The following UBAP2 variants were observed in gnomAD, a reference collection of about 807,000 sequenced individuals.
UBAP2 encodes ubiquitin-associated protein 2.
UBAP2 carries 75 observed loss-of-function variants against 139.6 expected under a neutral mutation model. That is an observed-to-expected ratio of 0.54 (90% CI 0.45 to 0.65). The LOEUF (loss-of-function observed/expected upper bound fraction) is 0.65, where lower values mean the gene tolerates loss of function less well. UBAP2 is among the 30% of genes least tolerant of loss of function. UBAP2 has a pLI of 0.00. For synonymous variants in UBAP2, 526 were observed against 526.2 expected, an observed-to-expected ratio of 1.00 and a Z score of 0.01; for missense variants, 1,368 against 1,369.6, an observed-to-expected ratio of 1.00 and a Z score of 0.02.
chr9:33,954,073 A>G (rs576589093), intron 11 of UBAP2, among the ~76,000 whole-genome samples: 46 of 152,016 alleles, frequency 3.0e-4, no homozygotes, highest in African/African-American at 1.0e-3. Context: ...TGCCCAGCTA[A>G]TTTTTGTATT....
chr9:33,959,621 T>C (rs1416690378), intron 10 of UBAP2, among the ~76,000 whole-genome samples: 3 of 152,276 alleles, frequency 2.0e-5, no homozygotes, highest in African/African-American at 7.2e-5. Context: ...CCAAAAAAAA[T>C]ACTATGCTGA....
intron 4 of UBAP2, among the ~76,000 whole-genome samples, chr9:33,992,560 C>CA (rs1821804567): frequency 7.1e-6 from 1 of 140,200 alleles, no homozygotes; most frequent in South Asian, 2.3e-4. Context: ...ACTCCCATCT[C>CA]AAAAAAATAA....
At chr9:33,944,255 A>G (rs1825472785) in intron 14 of UBAP2, 110 bp downstream of exon 14, 1 of 1,395,968 alleles carries the variant, frequency 7.2e-7, no homozygotes. Flanking sequence ...TCAATAAGCT[A>G]TGTGCTTGAA....
intron 20 of UBAP2, 132 bp downstream of exon 20, chr9:33,927,665 A>G: frequency 1.1e-6 from 1 of 913,908 alleles, no homozygotes; most frequent in South Asian, 1.8e-5. Flanking sequence ...ATTGGGCCTC[A>G]AGGTCAGTGG....
chr9:33,939,858 GGGAGGAGGAGGAGGAGGGGAGGA>G, intron 16 of UBAP2, among the ~76,000 whole-genome samples: 1 of 1,952 alleles, frequency 5.1e-4, no homozygotes, highest in Non-Finnish European at 2.1e-3. Flanking sequence ...GAGGGGGAGG[GGGAGGAGGAGGAGGAGGGGAGGA>G]GGAGGAGGAG....
intron 11 of UBAP2, among the ~76,000 whole-genome samples, chr9:33,955,878 C>T (rs1826519739): frequency 6.6e-6 from 1 of 150,930 alleles, no homozygotes; most frequent in South Asian, 2.1e-4. Context: ...GCAACAACTG[C>T]TAACAAATTC....
At chr9:33,955,083 G>T (rs1826433639) in intron 11 of UBAP2, among the ~76,000 whole-genome samples, 1 of 149,294 alleles carries the variant, frequency 6.7e-6, no homozygotes, top group South Asian at 2.1e-4. Flanking sequence ...AAAACTAGTA[G>T]AACTCAAATA....
intron 14 of UBAP2, among the ~76,000 whole-genome samples, chr9:33,943,919 G>A (rs1004387413): frequency 6.6e-6 from 1 of 151,840 alleles, no homozygotes; most frequent in Non-Finnish European, 1.5e-5. Context: ...AAAAAAAGGA[G>A]AAATTAAAAG....
intron 12 of UBAP2, among the ~76,000 whole-genome samples, chr9:33,951,255 A>C (rs766075065): frequency 6.6e-6 from 1 of 151,306 alleles, no homozygotes; most frequent in Non-Finnish European, 1.5e-5. Flanking sequence ...GGCATCTCAT[A>C]ATCTTCCAGC....
rs1288915364 is a variant in UBAP2, at chr9:33,922,738, G to A, written c.3213C>T (p.His1071=). The change falls in exon 28 of 29, where the codon CAC becomes CAT. Residue 1071 remains histidine, a synonymous_variant. Coordinates refer to ENST00000379238, the MANE Select transcript of UBAP2 (RefSeq NM_001370062.2). ...GCAGCAGCTGTGAGTGGGGCTGCTG[G>A]TGGGCTGGCAAGATGTGTAGGAATG... is the stretch of plus-strand genomic sequence containing the variant. ...PPPFLHILPA[H]QQPHSQLLHH... 4 of 1,553,336 alleles carry A rather than the reference G, an allele frequency of 2.6e-6. No individual in the cohort carries two copies. The highest frequency in any genetic ancestry group is 3.8e-5 in the Admixed American group (2 of 51,982).
At chr9:33,952,722 T>C (rs1416611709) in intron 12 of UBAP2, 1 of 154,544 alleles carries the variant, frequency 6.5e-6, no homozygotes, top group Non-Finnish European at 1.5e-5. Flanking sequence ...TCAAGAGTGA[T>C]CATCAGTTCA....
chr9:34,036,148 C>G (rs1826346652), intron 1 of UBAP2, among the ~76,000 whole-genome samples: 1 of 149,526 alleles, frequency 6.7e-6, no homozygotes, highest in Non-Finnish European at 1.5e-5. Flanking sequence ...GAGTTTCACT[C>G]TTGTTGCCCA....
At chr9:33,966,695 C>G (rs1827486261) in intron 8 of UBAP2, among the ~76,000 whole-genome samples, 1 of 151,836 alleles carries the variant, frequency 6.6e-6, no homozygotes, top group East Asian at 1.9e-4. Flanking sequence ...ATAACTATTT[C>G]TTGTTTTTTT....
intron 16 of UBAP2, among the ~76,000 whole-genome samples, chr9:33,941,118 CAGAA>C (rs1327979453): frequency 2.0e-5 from 3 of 152,092 alleles, no homozygotes; most frequent in African/African-American, 7.2e-5. Flanking sequence ...CTCAACTTAA[CAGAA>C]AGCAATACAA....
At chr9:33,973,278 T>A (rs377338245) in intron 6 of UBAP2, 41 bp from the exon 7 acceptor site, 171 of 1,584,834 alleles carry the variant, frequency 1.1e-4, no homozygotes, top group Admixed American at 2.2e-4. Flanking sequence ...ATAATACTTA[T>A]GTCCTACACA....
At chr9:34,032,060 G>A (rs1825938086) in intron 1 of UBAP2, among the ~76,000 whole-genome samples, 1 of 151,920 alleles carries the variant, frequency 6.6e-6, no homozygotes, top group Admixed American at 6.6e-5. Flanking sequence ...CGGGAGGATT[G>A]CTTGATCCCA....
At chr9:33,935,467 A>G (rs1824414583) in intron 17 of UBAP2, 2 of 225,430 alleles carry the variant, frequency 8.9e-6, no homozygotes, top group South Asian at 1.5e-4. Flanking sequence ...GAGTTTCACC[A>G]TGTTGCCCAG....
rs146779433 is a variant in UBAP2, at chr9:33,946,090, G to C, written c.1271-1451C>G. 3.3e-5 allele frequency among the ~76,000 whole-genome samples: 5 copies of C among 152,190 alleles called. No homozygotes were observed. In the East Asian group the frequency reaches 9.6e-4, roughly 29 times the overall value. ...CTCCTGGTTTAATTGGTGGAAAATG[G>C]TATTAAAAAATACAAACTAAAATGA... is the stretch of plus-strand genomic sequence containing the variant. On this transcript the variant is annotated intron_variant, in intron 13 of 28. Transcript: ENST00000379238.
intron 1 of UBAP2, among the ~76,000 whole-genome samples, chr9:34,028,467 C>T (rs1825608624): frequency 6.6e-6 from 1 of 151,900 alleles, no homozygotes; most frequent in Non-Finnish European, 1.5e-5. Context: ...GCAACCTCTG[C>T]CTCTTGGGTT....
Sources: allele counts gnomAD v4.1 joint callset (sites outside exome capture counted in the v4.1 genomes callset), GRCh38; gene constraint gnomAD v4.1.1; transcripts MANE v1.5; gene names NCBI Gene and HGNC (gene_info 2026-07-23, HGNC 2026-07-21).